The following YBX3 variants were observed in gnomAD, a reference collection of about 807,000 sequenced individuals.
The protein encoded by YBX3 is Y-box-binding protein 3.
A neutral mutation model predicts 42.4 loss-of-function variants in YBX3; 29 were observed. The ratio of observed to expected loss-of-function variants is 0.68; its 90% confidence interval spans 0.51 to 0.93. YBX3 has a LOEUF of 0.93. Ranked by LOEUF, YBX3 falls within the 40% of genes least tolerant of loss-of-function variation. YBX3 has a pLI of 0.00. For synonymous variants in YBX3, 195 were observed against 189.8 expected (o/e 1.03, Z -0.22); for missense variants, 517 against 527.5 (o/e 0.98, Z 0.19).
chr12:10,715,979 G>A lies in YBX3; in HGVS notation c.361-196C>T. On this transcript the variant is annotated intron_variant, in intron 3 of 9. Transcript: ENST00000228251. ...AAACTATATTCCACATTACTTCCTT[G>A]ATTTGTGCTATTCATCTTGACAGGT... is the stretch of plus-strand genomic sequence containing the variant. The A allele has an allele frequency of 5.4e-6, 3 of 554,684 alleles. No homozygotes were observed. The South Asian group carries it at 6.1e-5, about 11-fold the overall frequency. The allele number at this position is 554,684 out of a possible 1,614,324, so 34.4% of individuals were successfully genotyped here. A position where few individuals can be genotyped will look rare whatever the true frequency, so the allele number is the denominator to read the frequency against.
chr12:10,715,743 C>G lies in YBX3; in HGVS notation c.401G>C (p.Ser134Thr). 1 of 1,614,108 alleles carries G rather than the reference C, an allele frequency of 6.2e-7. No homozygotes were observed. Residue 134 changes from serine to threonine, a missense_variant, in exon 4 of 10, where the codon AGT becomes ACT. Physicochemically the swap from Ser to Thr is moderately conservative, Grantham distance 58. Around this residue, in one of 3 missense-constraint regions of YBX3, gnomAD observed 420 missense variants for 408.5 expected, o/e 1.03. Coordinates refer to ENST00000228251, the MANE Select transcript of YBX3 (RefSeq NM_003651.5). ...KKNNPRKYLR[S>T]VGDGETVEFD... Reference sequence around the variant, plus strand: ...CTCTACAGTTTCTCCATCTCCTACACTGCGCAGATATTTCCGTGGGTTATT... The same window carrying G: ...CTCTACAGTTTCTCCATCTCCTACAGTGCGCAGATATTTCCGTGGGTTATT...
intron 1 of YBX3, chr12:10,720,804 G>A (rs1447449314): frequency 6.6e-6 from 1 of 152,164 alleles, no homozygotes; most frequent in African/African-American, 2.4e-5. Context: ...AATCCAAGCT[G>A]AAGGTTATTT....
intron 7 of YBX3, 115 bp downstream of exon 7, chr12:10,703,936 A>G (rs1056315709): frequency 4.2e-6 from 4 of 963,192 alleles, no homozygotes; most frequent in Non-Finnish European, 6.4e-6. Flanking sequence ...ATGTAGTCAA[A>G]GCATTCACAT....
chr12:10,708,810 A>G (rs183947737), intron 6 of YBX3, among the ~76,000 whole-genome samples: 136 of 152,406 alleles, frequency 8.9e-4, no homozygotes, highest in Non-Finnish European at 2.2e-4. Context: ...GATATGAAAA[A>G]GAATCATCAT....
At chr12:10,706,676 T>G (rs1404696223) in intron 6 of YBX3, among the ~76,000 whole-genome samples, 1 of 152,138 alleles carries the variant, frequency 6.6e-6, no homozygotes, top group Non-Finnish European at 1.5e-5. Flanking sequence ...TACACTCACT[T>G]TATAGTTAAT....
At chr12:10,714,194 G>T (rs1336625391) in intron 4 of YBX3, among the ~76,000 whole-genome samples, 1 of 152,092 alleles carries the variant, frequency 6.6e-6, no homozygotes, top group Admixed American at 6.5e-5. Flanking sequence ...TTAAATTTCT[G>T]CATCCAATGA....
chr12:10,719,173 A>G (rs751726737), intron 1 of YBX3, 30 bp from the exon 2 acceptor site: 1 of 1,587,316 alleles, frequency 6.3e-7, no homozygotes, highest in East Asian at 2.2e-5. Context: ...ATAAATTAGT[A>G]TCTGACCTAC....
chr12:10,700,941 C>G (rs1259705210), intron 9 of YBX3, among the ~76,000 whole-genome samples: 1 of 152,108 alleles, frequency 6.6e-6, no homozygotes, highest in Non-Finnish European at 1.5e-5. Context: ...TAAAACCAGG[C>G]CTTTGTTAGG....
intron 7 of YBX3, chr12:10,703,718 C>A: frequency 3.2e-6 from 1 of 314,674 alleles, no homozygotes; most frequent in Non-Finnish European, 6.2e-6. Flanking sequence ...TCCCAAATAT[C>A]CTCTGACACT....
At chr12:10,713,798 T>C (rs7953251) in intron 4 of YBX3, among the ~76,000 whole-genome samples, 29,119 of 152,182 alleles carry the variant, frequency 0.19, 3,264 homozygotes, top group East Asian at 0.5. Context: ...AGGTACTGAG[T>C]GAAACTTCTC....
In YBX3 at chr12:10,723,297, C is replaced by G. The variant is rs1452464321; in HGVS notation, c.-186G>C. The stretch of plus-strand genomic sequence containing the variant: ...GCTCGAGCTTCGTGCTGCGCGCTCT[C>G]TCTTGGGCTCCTCGCTCGATCTTAC... On this transcript the variant is annotated 5_prime_UTR_variant, in exon 1 of 10. Coordinates refer to ENST00000228251, the MANE Select transcript of YBX3 (RefSeq NM_003651.5). The G allele has an allele frequency of 1.1e-6, 1 of 937,084 alleles. No individual in the cohort carries two copies. Among genetic ancestry groups the G allele is most frequent in the South Asian group, 5.2e-5 (1 of 19,310 alleles). 58.0% of individuals were successfully genotyped at this position (937,084 alleles called of 1,614,324 possible). A position where few individuals can be genotyped will look rare whatever the true frequency, so the allele number is the denominator to read the frequency against.
intron 6 of YBX3, among the ~76,000 whole-genome samples, chr12:10,704,665 T>C: frequency 6.6e-6 from 1 of 152,196 alleles, no homozygotes; most frequent in East Asian, 1.9e-4. Context: ...CTGTCCTTCA[T>C]TATTTCATCA....
At chr12:10,716,842 C>T (rs546586078) in intron 3 of YBX3, among the ~76,000 whole-genome samples, 176 of 152,218 alleles carry the variant, frequency 1.2e-3, no homozygotes, top group African/African-American at 4.1e-3. Flanking sequence ...CCTGCCGGCT[C>T]GCTCCCTTTT....
At chr12:10,715,828 T>C (rs1440908072) in intron 3 of YBX3, 45 bp from the exon 4 acceptor site, 16 of 1,514,126 alleles carry the variant, frequency 1.1e-5, no homozygotes, top group Non-Finnish European at 1.5e-5. Context: ...ATTTCAATAT[T>C]GGCCACAGAT....
rs141089301 is a variant in YBX3, at chr12:10,701,996, C to T, written c.1017G>A (p.Pro339=). ...CTTGTGAAGGAGCGTTAGGAGGACG[C>T]GGGCGACGCCGGTAATTGTAGGGAC... ...YRRPYNYRRR[P]RPPNAPSQDG... Residue 339 remains proline (P), a synonymous_variant, in exon 8 of 10, where the codon CCG becomes CCA. Transcript: ENST00000228251. 327 of 1,613,728 alleles carry T rather than the reference C, an allele frequency of 2.0e-4. 2 individuals carry two copies. The highest frequency in any genetic ancestry group is 3.4e-4 in the Middle Eastern group (2 of 5,966).
chr12:10,714,585 T>G (rs2120960904), intron 4 of YBX3, among the ~76,000 whole-genome samples: 1 of 152,296 alleles, frequency 6.6e-6, no homozygotes, highest in East Asian at 1.9e-4. Context: ...TACCTTCAGC[T>G]TCCCAAAATC....
intron 6 of YBX3, among the ~76,000 whole-genome samples, chr12:10,706,544 T>C (rs563112077): frequency 6.6e-6 from 1 of 152,356 alleles, no homozygotes; most frequent in African/African-American, 2.4e-5. Flanking sequence ...AACACATTTC[T>C]TTCTTGAAAT....
chr12:10,718,237 C>G, intron 2 of YBX3, 116 bp from the exon 3 acceptor site: 2 of 888,424 alleles, frequency 2.3e-6, no homozygotes, highest in Non-Finnish European at 3.4e-6. Context: ...TATATTTTCA[C>G]TTATTTTCTA....
chr12:10,701,938 C>T (rs2305849), intron 8 of YBX3, 22 bp downstream of exon 8: 337,293 of 1,600,820 alleles, frequency 0.21, 38,621 homozygotes, highest in East Asian at 0.48. Context: ...TGGCAACATC[C>T]GCCCTGACTG....
Sources: gnomAD v4.1 joint callset for allele counts (sites outside exome capture counted in the v4.1 genomes callset) on GRCh38, gnomAD v4.1.1 for gene constraint, gnomAD v4.1.1 regional missense constraint, MANE v1.5 for transcripts, NCBI Gene and HGNC (gene_info 2026-07-23, HGNC 2026-07-21) for gene names.